GPC6: variants seen among roughly 807,000 people sequenced by gnomAD.
GPC6 encodes the protein glypican-6.
Under a neutral mutation model 55.2 loss-of-function variants are expected in GPC6, and 14 were observed. The observed-to-expected ratio is 0.25, with a 90% confidence interval of 0.17 to 0.40. The LOEUF is 0.40. GPC6 is among the 10% of genes least tolerant of loss of function. GPC6 has a pLI of 1.00. For synonymous variants in GPC6, 278 were observed against 259.6 expected, an observed-to-expected ratio of 1.07 and a Z score of -0.68; for missense variants, 641 against 708.5, an observed-to-expected ratio of 0.90 and a Z score of 1.08.
chr13:94,077,729 A>G (rs942720624), intron 4 of GPC6, among the ~76,000 whole-genome samples: 1 of 151,664 alleles, frequency 6.6e-6, no homozygotes, highest in African/African-American at 2.4e-5. Flanking sequence ...GGAGATGATA[A>G]TATGCTTTCT....
At chr13:93,909,065 T>G (rs1210777152) in intron 3 of GPC6, among the ~76,000 whole-genome samples, 1 of 152,212 alleles carries the variant, frequency 6.6e-6, no homozygotes, top group Non-Finnish European at 1.5e-5. Context: ...GAATAAAAGT[T>G]ATGCAAAGGC....
At chr13:93,471,252 T>G (rs970042435) in intron 1 of GPC6, among the ~76,000 whole-genome samples, 1 of 151,800 alleles carries the variant, frequency 6.6e-6, no homozygotes, top group Non-Finnish European at 1.5e-5. Flanking sequence ...CAGTGGCTCA[T>G]GCCTGTAATC....
At chr13:94,193,857 G>T (rs1008487106) in intron 4 of GPC6, among the ~76,000 whole-genome samples, 2 of 152,146 alleles carry the variant, frequency 1.3e-5, no homozygotes, top group African/African-American at 4.8e-5. Context: ...TAATAGTGAG[G>T]TTGAGCTTTT....
chr13:93,369,469 G>C (rs1486244370), intron 1 of GPC6, among the ~76,000 whole-genome samples: 1 of 152,002 alleles, frequency 6.6e-6, no homozygotes, highest in Non-Finnish European at 1.5e-5. Flanking sequence ...AAACTTTTCT[G>C]TTGTGACTTA....
intron 4 of GPC6, among the ~76,000 whole-genome samples, chr13:94,097,905 A>C (rs533716399): frequency 6.6e-6 from 1 of 152,334 alleles, no homozygotes; most frequent in South Asian, 2.1e-4. Flanking sequence ...TAGTCATTAA[A>C]AATATTGAAA....
chr13:93,941,576 G>A (rs188173103), intron 3 of GPC6, among the ~76,000 whole-genome samples: 7 of 152,270 alleles, frequency 4.6e-5, no homozygotes, highest in Non-Finnish European at 8.8e-5. Flanking sequence ...TCAAAAGCTT[G>A]TATAAAACAT....
chr13:94,316,886 T>C (rs4281581), intron 6 of GPC6, among the ~76,000 whole-genome samples: 90,415 of 152,052 alleles, frequency 0.59, 28,190 homozygotes, highest in East Asian at 0.87. Context: ...TTTTTCTGCT[T>C]TTCTTTCTGG....
intron 4 of GPC6, among the ~76,000 whole-genome samples, chr13:94,096,698 A>C (rs1885669347): frequency 6.6e-6 from 1 of 151,538 alleles, no homozygotes; most frequent in African/African-American, 2.4e-5. Context: ...GAAGACTAAT[A>C]AATTGGGAAT....
At chr13:94,265,361 G>T (rs1356398811) in intron 4 of GPC6, among the ~76,000 whole-genome samples, 1 of 152,160 alleles carries the variant, frequency 6.6e-6, no homozygotes, top group Non-Finnish European at 1.5e-5. Flanking sequence ...ATGTTTGAGG[G>T]CAGGAAGCAT....
intron 6 of GPC6, among the ~76,000 whole-genome samples, chr13:94,343,764 C>T (rs142692741): frequency 6.6e-6 from 1 of 152,110 alleles, no homozygotes; most frequent in South Asian, 2.1e-4. Context: ...GGATCTTGCT[C>T]TGTGGCCCAG....
chr13:94,195,325 A>C (rs1339088579), intron 4 of GPC6, among the ~76,000 whole-genome samples: 2 of 152,152 alleles, frequency 1.3e-5, no homozygotes, highest in African/African-American at 4.8e-5. Context: ...AATTGGTTTG[A>C]AATTCCAAGG....
intron 3 of GPC6, among the ~76,000 whole-genome samples, chr13:93,831,480 A>C (rs9524249): frequency 0.33 from 50,727 of 151,764 alleles, 8,939 homozygotes; most frequent in African/African-American, 0.45. Flanking sequence ...ATTCCCAAAC[A>C]CTACTTTTCT....
chr13:94,260,408 G>C (rs1023797971), intron 4 of GPC6, among the ~76,000 whole-genome samples: 5 of 152,132 alleles, frequency 3.3e-5, no homozygotes, highest in African/African-American at 1.2e-4. Flanking sequence ...GAGTCTGCAA[G>C]TCCAAGATCA....
At chr13:93,639,923 A>G (rs943235313) in intron 2 of GPC6, among the ~76,000 whole-genome samples, 26 of 152,266 alleles carry the variant, frequency 1.7e-4, no homozygotes, top group South Asian at 4.1e-4. Flanking sequence ...CTGTAGCTTT[A>G]TCACCAATAG....
chr13:93,556,289 G>C (rs1259571407), intron 2 of GPC6, among the ~76,000 whole-genome samples: 1 of 150,732 alleles, frequency 6.6e-6, no homozygotes, highest in Non-Finnish European at 1.5e-5. Context: ...TTTAATTTTT[G>C]GGTTACTTTT....
intron 3 of GPC6, among the ~76,000 whole-genome samples, chr13:93,862,988 T>A (rs138798938): frequency 6.6e-6 from 1 of 151,812 alleles, no homozygotes; most frequent in African/African-American, 2.4e-5. Context: ...TCCTCGCATG[T>A]TGTGTGACCC....
intron 3 of GPC6, among the ~76,000 whole-genome samples, chr13:93,873,635 G>GGA (rs1889198772): frequency 6.6e-6 from 1 of 151,816 alleles, no homozygotes; most frequent in Non-Finnish European, 1.5e-5. Context: ...TGCACACTTG[G>GGA]GAGACCTTGA....
At chr13:94,068,890 T>C (rs1196491446) in intron 4 of GPC6, among the ~76,000 whole-genome samples, 1 of 152,190 alleles carries the variant, frequency 6.6e-6, no homozygotes, top group Non-Finnish European at 1.5e-5. Context: ...CGGGCTAGCA[T>C]TGACTGCCTA....
chr13:93,463,314 G>A (rs1206620020), intron 1 of GPC6, among the ~76,000 whole-genome samples: 4 of 152,210 alleles, frequency 2.6e-5, no homozygotes, highest in African/African-American at 7.2e-5. Flanking sequence ...CTAAAGATCT[G>A]TGTTTCATGG....
Sources: gnomAD v4.1 joint callset for allele counts (sites outside exome capture counted in the v4.1 genomes callset) on GRCh38, gnomAD v4.1.1 for gene constraint, MANE v1.5 for transcripts, NCBI Gene and HGNC (gene_info 2026-07-23, HGNC 2026-07-21) for gene names.